Variants in KLF12 observed in about 807,000 individuals in gnomAD.
KLF12 encodes Krueppel-like factor 12.
KLF12 carries 9 observed loss-of-function variants against 37.8 expected under a neutral mutation model. That is an observed-to-expected ratio of 0.24 (90% CI 0.14 to 0.42). The LOEUF (loss-of-function observed/expected upper bound fraction) is 0.42. Ranked by LOEUF, KLF12 falls within the 10% of genes least tolerant of loss-of-function variation. KLF12 has a pLI of 1.00. For missense variants in KLF12, 411 were observed against 516.0 expected, an observed-to-expected ratio of 0.80 and a Z score of 1.97; for synonymous variants, 208 against 202.1, an observed-to-expected ratio of 1.03 and a Z score of -0.25.
At chr13:74,142,874 A>T in the KLF12 span, among the ~76,000 whole-genome samples, 1 of 152,326 alleles carries the variant, frequency 6.6e-6, no homozygotes, top group African/African-American at 2.4e-5. Flanking sequence ...TTTGGTATGC[A>T]TCTCTCTTAA....
At chr13:74,162,844 C>T in the KLF12 span, among the ~76,000 whole-genome samples, 1 of 152,016 alleles carries the variant, frequency 6.6e-6, no homozygotes, top group Non-Finnish European at 1.5e-5. Context: ...AGCATGTGCA[C>T]TTTTAAAAGT....
chr13:73,824,120 C>A (rs140675273), intron 4 of KLF12, among the ~76,000 whole-genome samples: 3 of 151,888 alleles, frequency 2.0e-5, no homozygotes, highest in South Asian at 2.1e-4. Context: ...TACATCTTCA[C>A]ATCACATTAA....
chr13:74,007,363 T>TC (rs909874756), intron 1 of KLF12, among the ~76,000 whole-genome samples: 52 of 151,220 alleles, frequency 3.4e-4, no homozygotes, highest in African/African-American at 1.2e-3. Flanking sequence ...GCAAGCTCCA[T>TC]CCCCCCCGGG....
At chr13:74,288,246 A>C in the KLF12 span, among the ~76,000 whole-genome samples, 2 of 152,196 alleles carry the variant, frequency 1.3e-5, no homozygotes, top group African/African-American at 4.8e-5. Context: ...GCAAATAATT[A>C]AATTATTCGG....
the KLF12 span, among the ~76,000 whole-genome samples, chr13:74,189,082 G>A: frequency 6.6e-6 from 1 of 152,136 alleles, no homozygotes; most frequent in African/African-American, 2.4e-5. Context: ...TGTGCCTCAT[G>A]AATATGCAAA....
chr13:73,893,943 T>C (rs895621226), intron 3 of KLF12, among the ~76,000 whole-genome samples: 2 of 152,034 alleles, frequency 1.3e-5, no homozygotes, highest in Non-Finnish European at 2.9e-5. Flanking sequence ...GAAGAGACAA[T>C]GTTATCAGAA....
chr13:74,275,708 T>A, the KLF12 span, among the ~76,000 whole-genome samples: 1 of 151,722 alleles, frequency 6.6e-6, no homozygotes, highest in African/African-American at 2.4e-5. Context: ...ACCTTTTTTT[T>A]TTTTCTAGAC....
At chr13:74,125,407 C>A (rs1877888243) in intron 1 of KLF12, among the ~76,000 whole-genome samples, 1 of 152,092 alleles carries the variant, frequency 6.6e-6, no homozygotes, top group South Asian at 2.1e-4. Flanking sequence ...CCCCACCCTC[C>A]TTGATTTTCA....
intron 6 of KLF12, among the ~76,000 whole-genome samples, chr13:73,754,825 C>T (rs769693086): frequency 5.3e-5 from 8 of 152,178 alleles, no homozygotes; most frequent in Non-Finnish European, 1.2e-4. Context: ...TTTAGGATTA[C>T]ATTACATCAA....
intron 1 of KLF12, among the ~76,000 whole-genome samples, chr13:74,112,384 T>TGTGTGTGTG (rs1877027840): frequency 9.6e-5 from 14 of 145,166 alleles, no homozygotes; most frequent in Middle Eastern, 3.2e-3. Context: ...TTTGCAGATA[T>TGTGTGTGTG]TGTCTGTGTG....
At chr13:74,242,389 C>T in the KLF12 span, among the ~76,000 whole-genome samples, 1 of 152,150 alleles carries the variant, frequency 6.6e-6, no homozygotes, top group African/African-American at 2.4e-5. Flanking sequence ...TACATGGTGG[C>T]AGGAGAGAGA....
chr13:74,299,837 T>G, the KLF12 span, among the ~76,000 whole-genome samples: 1 of 152,196 alleles, frequency 6.6e-6, no homozygotes, highest in Non-Finnish European at 1.5e-5. Context: ...AAGCAGCCAC[T>G]GCATCCCCAA....
the KLF12 span, among the ~76,000 whole-genome samples, chr13:74,163,677 T>C: frequency 6.6e-6 from 1 of 152,128 alleles, no homozygotes; most frequent in African/African-American, 2.4e-5. Context: ...AGGGTGACTA[T>C]AGTCAATAAT....
the KLF12 span, among the ~76,000 whole-genome samples, chr13:74,190,586 G>A: frequency 2.0e-5 from 3 of 152,080 alleles, no homozygotes; most frequent in Admixed American, 2.0e-4. Context: ...TATCCTCTTG[G>A]TTTCTAATCT....
chr13:74,003,555 T>C (rs1892334977), intron 1 of KLF12, among the ~76,000 whole-genome samples: 1 of 152,194 alleles, frequency 6.6e-6, no homozygotes, highest in African/African-American at 2.4e-5. Flanking sequence ...CAAAGGGATT[T>C]ATTAGGCATG....
chr13:74,159,748 G>A, the KLF12 span, among the ~76,000 whole-genome samples: 1 of 152,066 alleles, frequency 6.6e-6, no homozygotes, highest in Non-Finnish European at 1.5e-5. Context: ...GCCGGGCATG[G>A]TTGCTTATTC....
chr13:74,193,710 C>A, the KLF12 span, among the ~76,000 whole-genome samples: 1 of 152,154 alleles, frequency 6.6e-6, no homozygotes, highest in African/African-American at 2.4e-5. Context: ...AAAATTCAAT[C>A]TAAAAAGTCA....
chr13:74,038,063 C>T (rs937759508), intron 1 of KLF12, among the ~76,000 whole-genome samples: 18 of 152,238 alleles, frequency 1.2e-4, no homozygotes, highest in Middle Eastern at 3.4e-3. Flanking sequence ...CTGCCTAGAA[C>T]TGATACAAAG....
intron 1 of KLF12, among the ~76,000 whole-genome samples, chr13:74,119,207 C>A (rs1225114749): frequency 6.6e-6 from 1 of 151,972 alleles, no homozygotes; most frequent in Non-Finnish European, 1.5e-5. Flanking sequence ...GTGGCACGTG[C>A]CTGTAATCCC....
Sources: gnomAD v4.1 joint callset for allele counts (sites outside exome capture counted in the v4.1 genomes callset) on GRCh38, gnomAD v4.1.1 for gene constraint, MANE v1.5 for transcripts, NCBI Gene and HGNC (gene_info 2026-07-23, HGNC 2026-07-21) for gene names.